The following PHACTR2 variants were observed in gnomAD, a reference collection of about 807,000 sequenced individuals.
The protein encoded by PHACTR2 is chromosome 6 open reading frame 56.
In PHACTR2, 30 loss-of-function variants were observed where a neutral mutation model predicts 76.0. The observed-to-expected ratio is 0.39, with a 90% CI of 0.30 to 0.54. The LOEUF is 0.54. Among genes scored for constraint, PHACTR2 ranks in the 20% least tolerant of loss-of-function variants. The probability of loss-of-function intolerance (pLI) is 0.61; values close to 1 mark genes in which losing one functional copy is unlikely to be tolerated. For synonymous variants in PHACTR2, 292 were observed against 292.5 expected, an observed-to-expected ratio of 1.00 and a Z score of 0.02; for missense variants, 696 against 781.1, an observed-to-expected ratio of 0.89 and a Z score of 1.30.
At chr6:143,565,194 G>A (rs1775345069) in intron 1 of PHACTR2, among the ~76,000 whole-genome samples, 1 of 152,176 alleles carries the variant, frequency 6.6e-6, no homozygotes, top group South Asian at 2.1e-4. Context: ...ATATCAGCGA[G>A]CCTAGCCAAG....
At position 143,793,998 on chromosome 6, in the gene PHACTR2, A is replaced by G. The variant is rs1170398559; in HGVS notation, c.1845+5088A>G. 6.6e-6 allele frequency among the ~76,000 whole-genome samples: 1 copy of G among 152,082 alleles called. No homozygotes were observed. The highest frequency in any genetic ancestry group is 1.5e-5 in the Non-Finnish European group (1 of 68,020). ...ACAATTTAAGATGTTTATGTGTAGTATATTGTATATACACAAGTGATGAAT... is the reference window on the plus strand; with the variant it reads ...ACAATTTAAGATGTTTATGTGTAGTGTATTGTATATACACAAGTGATGAAT... On this transcript the variant is annotated intron_variant, in intron 11 of 12. Coordinates refer to ENST00000440869, the MANE Select transcript of PHACTR2 (RefSeq NM_001100164.2). This position sits in a 1 kb window ranked among gnomAD's most constrained non-coding sequence, Gnocchi z 4.4.
chr6:143,678,339 C>T lies in PHACTR2; in HGVS notation c.46+130C>T, dbSNP rs539186827. 1.3e-6 allele frequency: 1 copy of T among 786,820 alleles called. No individual in the cohort carries two copies. Among genetic ancestry groups the T allele is most frequent in the East Asian group, 3.5e-5 (1 of 28,884 alleles). The allele number at this position is 786,820 out of a possible 1,614,324, so 48.7% of individuals were successfully genotyped here. A position where few individuals can be genotyped will look rare whatever the true frequency, so the allele number is the denominator to read the frequency against. On this transcript the variant is annotated intron_variant, in intron 1 of 12. Coordinates refer to ENST00000440869, the MANE Select transcript of PHACTR2 (RefSeq NM_001100164.2). The surrounding 1 kb of genome is among the most constrained non-coding windows in gnomAD (Gnocchi z 6.2). ...CCCGCCAAGTCCCTCGGAGAAACCCCAGAGGTAGCGCTCGCCAAACTCTTT... is the reference window on the plus strand; with the variant it reads ...CCCGCCAAGTCCCTCGGAGAAACCCTAGAGGTAGCGCTCGCCAAACTCTTT...
At chr6:143,665,804 G>T (rs537211020) in intron 1 of PHACTR2, among the ~76,000 whole-genome samples, 2 of 152,316 alleles carry the variant, frequency 1.3e-5, no homozygotes, top group East Asian at 3.9e-4. Context: ...GCCAGATCAT[G>T]TTATTACTTT....
chr6:143,722,505 G>A lies in PHACTR2; in HGVS notation c.214+10322G>A, dbSNP rs867892101. 3.5e-4 allele frequency among the ~76,000 whole-genome samples: 53 copies of A among 151,762 alleles called. No individual in the cohort carries two copies. Among genetic ancestry groups the A allele is most frequent in the Admixed American group, 3.3e-4 (5 of 15,220 alleles). On this transcript the variant is annotated intron_variant, in intron 2 of 12. Transcript: ENST00000440869. The surrounding 1 kb of genome is among the most constrained non-coding windows in gnomAD (Gnocchi z 4.1). The stretch of plus-strand genomic sequence containing the variant: ...TATTTTTAATGAATGCATAATTTTC[G>A]TACATATTTTGGGGTATATGTGATA...
chr6:143,609,231 A>G (rs1261856451), intron 1 of PHACTR2, among the ~76,000 whole-genome samples: 1 of 152,220 alleles, frequency 6.6e-6, no homozygotes, highest in Non-Finnish European at 1.5e-5. Context: ...GGTGAAACAT[A>G]TTTGTTTATG....
At chr6:143,626,331 A>AT (rs1776256483) in intron 1 of PHACTR2, among the ~76,000 whole-genome samples, 1 of 152,002 alleles carries the variant, frequency 6.6e-6, no homozygotes, top group East Asian at 1.9e-4. Flanking sequence ...AGGTCAGGAG[A>AT]TTAAGACCAT....
rs937867999 is a variant in PHACTR2, at chr6:143,618,854, C to A, written c.13+10532C>A. On this transcript the variant is annotated intron_variant, in intron 1 of 11. Coordinates refer to the PHACTR2 transcript ENST00000305766. The surrounding 1 kb of genome is among the most constrained non-coding windows in gnomAD (Gnocchi z 5.2). ...CTTCTACCCCTGTTGGAACACGTAG[C>A]AGATATACCATCATGCTGCTTCACG... Among the ~76,000 whole-genome samples, 4 of 152,076 alleles carry A rather than the reference C, an allele frequency of 2.6e-5. No homozygotes were observed. The highest frequency in any genetic ancestry group is 5.9e-5 in the Non-Finnish European group (4 of 68,038).
intron 1 of PHACTR2, among the ~76,000 whole-genome samples, chr6:143,681,241 A>C (rs537582602): frequency 6.6e-6 from 1 of 152,282 alleles, no homozygotes; most frequent in Admixed American, 6.5e-5. Context: ...TGAAAGTTAC[A>C]GTTTCTCCAC....
At position 143,547,061 on chromosome 6, in the gene PHACTR2, G is replaced by A. The variant is rs781314719; in HGVS notation, c.217+9854G>A. 6.6e-6 allele frequency among the ~76,000 whole-genome samples: 1 copy of A among 151,766 alleles called. No homozygotes were observed. Among genetic ancestry groups the A allele is most frequent in the African/African-American group, 2.4e-5 (1 of 41,296 alleles). On this transcript the variant is annotated intron_variant, in intron 1 of 11. Transcript: ENST00000367584. This position sits in a 1 kb window ranked among gnomAD's most constrained non-coding sequence, Gnocchi z 4.2. Reference sequence around the variant, plus strand: ...AAAAAAAAAAAAGAATATGGCTTATGGTTAGTAAGTGTTATAGAATTTATG... The same window carrying A: ...AAAAAAAAAAAAGAATATGGCTTATAGTTAGTAAGTGTTATAGAATTTATG...
intron 5 of PHACTR2, among the ~76,000 whole-genome samples, chr6:143,763,418 G>A (rs1333586993): frequency 2.0e-5 from 3 of 152,192 alleles, no homozygotes; most frequent in African/African-American, 7.2e-5. Flanking sequence ...ATGTGGAAAG[G>A]ATTCTGTTTA....
In PHACTR2 at chr6:143,730,245, A is replaced by G. The variant is rs1300013926; in HGVS notation, c.214+18062A>G. Among the ~76,000 whole-genome samples, 1 of 152,180 alleles carries G rather than the reference A, an allele frequency of 6.6e-6. No individual in the cohort carries two copies. Among genetic ancestry groups the G allele is most frequent in the Non-Finnish European group, 1.5e-5 (1 of 68,022 alleles). On this transcript the variant is annotated intron_variant, in intron 2 of 12. Transcript: ENST00000440869. This position sits in a 1 kb window ranked among gnomAD's most constrained non-coding sequence, Gnocchi z 4.8. ...TGGCTAGGATTTTTATTTAAACTGC[A>G]TTAAATCTATGCTGCAGTTTGGGTA...
At position 143,625,717 on chromosome 6, in the gene PHACTR2, T is replaced by G. The variant is rs1030379625; in HGVS notation, c.13+17395T>G. Among the ~76,000 whole-genome samples, 1 of 152,236 alleles carries G rather than the reference T, an allele frequency of 6.6e-6. No homozygotes were observed. The highest frequency in any genetic ancestry group is 1.5e-5 in the Non-Finnish European group (1 of 68,036). On this transcript the variant is annotated intron_variant, in intron 1 of 11. Transcript: ENST00000305766. The surrounding 1 kb of genome is among the most constrained non-coding windows in gnomAD (Gnocchi z 4.3). ...ATTTAGCAAATATGAATTGAGTGCC[T>G]ACTGGGTCAGGCACTCTTCCGGGTG...
rs1237402923 is a variant in PHACTR2, at chr6:143,757,632, G to A, written c.455-2769G>A. On this transcript the variant is annotated intron_variant, in intron 4 of 12. Coordinates refer to ENST00000440869, the MANE Select transcript of PHACTR2 (RefSeq NM_001100164.2). This position sits in a 1 kb window ranked among gnomAD's most constrained non-coding sequence, Gnocchi z 4.2. ...AGCGTCCTTATCAAGCCAGAATGAC[G>A]AGGCAGCCCTTTCTCAACCTTCTCT... 2.0e-5 allele frequency among the ~76,000 whole-genome samples: 3 copies of A among 152,106 alleles called. No homozygotes were observed. The highest frequency in any genetic ancestry group is 4.4e-5 in the Non-Finnish European group (3 of 68,024).
intron 11 of PHACTR2, among the ~76,000 whole-genome samples, chr6:143,799,149 C>G (rs1213771939): frequency 6.6e-6 from 1 of 152,254 alleles, no homozygotes; most frequent in East Asian, 1.9e-4. Context: ...TCCATTTCTT[C>G]TAGATTTTCT....
intron 9 of PHACTR2, among the ~76,000 whole-genome samples, chr6:143,778,515 A>G (rs1250764807): frequency 6.6e-6 from 1 of 151,538 alleles, no homozygotes; most frequent in African/African-American, 2.4e-5. Context: ...TCCAGGAAGG[A>G]CTTAAGTGGC....
intron 1 of PHACTR2, among the ~76,000 whole-genome samples, chr6:143,551,325 G>A (rs1019718366): frequency 2.6e-5 from 4 of 152,090 alleles, no homozygotes; most frequent in African/African-American, 9.7e-5. Context: ...GTACAGTAAG[G>A]ACAACAATAA....
At chr6:143,665,940 G>A (rs1562263413) in intron 1 of PHACTR2, among the ~76,000 whole-genome samples, 1 of 152,072 alleles carries the variant, frequency 6.6e-6, no homozygotes, top group Non-Finnish European at 1.5e-5. Context: ...TGTTACATAG[G>A]TATATACATG....
chr6:143,773,220 A>T (rs1307068432), intron 7 of PHACTR2, among the ~76,000 whole-genome samples: 1 of 152,168 alleles, frequency 6.6e-6, no homozygotes, highest in Non-Finnish European at 1.5e-5. Context: ...CTCAAAAAAT[A>T]ATAATAAAAA....
rs1170651842 is a variant in PHACTR2 at position 143,731,168 on chromosome 6, A to C, written c.215-17817A>C. Among the ~76,000 whole-genome samples, 2 of 152,214 alleles carry C rather than the reference A, an allele frequency of 1.3e-5. No individual in the cohort carries two copies. Among genetic ancestry groups the C allele is most frequent in the African/African-American group, 4.8e-5 (2 of 41,458 alleles). ...TTTCTCAAACGCATTTTTCTGGATC[A>C]ATTGATATGGTCATTTCAGTTTTTT... On this transcript the variant is annotated intron_variant, in intron 2 of 12. Transcript: ENST00000440869. The surrounding 1 kb of genome is among the most constrained non-coding windows in gnomAD (Gnocchi z 4.9).
Sources: gnomAD v4.1 joint callset for allele counts (sites outside exome capture counted in the v4.1 genomes callset) on GRCh38, gnomAD v4.1.1 for gene constraint, Gnocchi (gnomAD v3.1) non-coding constraint, MANE v1.5 for transcripts, NCBI Gene and HGNC (gene_info 2026-07-23, HGNC 2026-07-21) for gene names.